Variants in ANKDD1A observed in about 807,000 individuals in gnomAD.
ANKDD1A encodes the protein ankyrin repeat and death domain containing 1A, also known as ankyrin repeat and death domain-containing protein 1A.
In ANKDD1A, 59 loss-of-function variants were observed where a neutral mutation model predicts 63.5. The observed-to-expected ratio is 0.93, with a 90% CI of 0.75 to 1.15. The LOEUF (loss-of-function observed/expected upper bound fraction) is 1.15. Among genes scored for constraint, ANKDD1A ranks in the 50% most tolerant of loss-of-function variants. The pLI is 0.00. For missense variants in ANKDD1A, 632 were observed against 656.4 expected (o/e 0.96, Z 0.41); for synonymous variants, 266 against 263.9 (o/e 1.01, Z -0.08).
chr15:64,954,294 C>CTT lies in ANKDD1A; in HGVS notation c.1484-2809_1484-2808insTT, dbSNP rs2085379447. The stretch of plus-strand genomic sequence containing the variant: ...TCCTTTCTTCTTCCTTCTTAGTTCT[C>CTT]CTTTTCTTCTCCTTCTCTTCCTTCT... On this transcript the variant is annotated intron_variant, in intron 14 of 14. Transcript: ENST00000319580. Among the ~76,000 whole-genome samples, 55 of 43,208 alleles carry CTT rather than the reference C, an allele frequency of 1.3e-3. 1 individual carries two copies. Among genetic ancestry groups the CTT allele is most frequent in the Admixed American group, 5.2e-3 (13 of 2,510 alleles). 28.3% of individuals were successfully genotyped at this position (43,208 alleles called of 152,430 possible).
At chr15:64,951,801 CTCTTTTCTTCTT>C (rs796826252) in intron 14 of ANKDD1A, among the ~76,000 whole-genome samples, 3 of 103,308 alleles carry the variant, frequency 2.9e-5, no homozygotes, top group African/African-American at 1.1e-4. Context: ...TCTTTCTTTC[CTCTTTTCTTCTT>C]TCTTCCTCTT....
intron 8 of ANKDD1A, chr15:64,932,579 C>G (rs1393489399): frequency 6.6e-6 from 1 of 152,126 alleles, no homozygotes; most frequent in Non-Finnish European, 1.5e-5. Context: ...ATTTTTGAAT[C>G]AGTGACAAAT....
rs1449583584 is a variant in ANKDD1A, at chr15:64,953,301, CTTT to C, written c.1483+3331_1483+3333del. Among the ~76,000 whole-genome samples the C allele has an allele frequency of 6.5e-3, 958 of 146,758 alleles. 8 individuals are homozygous for C. Among genetic ancestry groups the C allele is most frequent in the African/African-American group, 0.022 (872 of 39,682 alleles). ...CTTTCCTTCTTCCTTCTTTCTTCTT[CTTT>C]TACTTTTTTCTTTCTTCTTTCCTTC... On this transcript the variant is annotated intron_variant, in intron 14 of 14. Coordinates refer to ENST00000319580, the MANE Select transcript of ANKDD1A (RefSeq NM_182703.6).
At chr15:64,931,905 A>AT (rs1300180851) in intron 8 of ANKDD1A, 2 of 493,426 alleles carry the variant, frequency 4.1e-6, no homozygotes, top group Non-Finnish European at 7.2e-6. Flanking sequence ...TTTTGTTTTA[A>AT]TTTTTTTGAG....
At chr15:64,940,449 T>C (rs2085173165) in intron 9 of ANKDD1A, among the ~76,000 whole-genome samples, 1 of 151,954 alleles carries the variant, frequency 6.6e-6, no homozygotes, top group African/African-American at 2.4e-5. Flanking sequence ...GATATTTTTT[T>C]TGAGACAGAG....
chr15:64,917,629 T>G, intron 3 of ANKDD1A, 115 bp downstream of exon 3: 1 of 1,441,148 alleles, frequency 6.9e-7, no homozygotes, highest in East Asian at 2.6e-5. Context: ...AGGTGCAGAG[T>G]GGTGGGGAGT....
In ANKDD1A at chr15:64,942,467, CA is replaced by C. The variant is rs1213128266; in HGVS notation, c.869del (p.Gln290ArgfsTer10). On this transcript the variant is annotated frameshift_variant and splice_region_variant, in exon 10 of 15. Transcript: ENST00000319580. LOFTEE classifies it high-confidence loss of function. ...AGGCANVVDH[Q>X]GASPLHLAVR... ...TTGATCCGTGTATCTCCTCCCACAG[CA>C]GGGTGCCTCTCCTCTGCACCTCGCT... 3 of 1,610,064 alleles carry C rather than the reference CA, an allele frequency of 1.9e-6. No individual in the cohort carries two copies. Among genetic ancestry groups the C allele is most frequent in the Non-Finnish European group, 2.5e-6 (3 of 1,177,882 alleles).
Position 64,950,742 on chromosome 15 carries a change from C to CTATAGGCGT in ANKDD1A, c.1483+770_1483+771insTATAGGCGT. 3.3e-5 allele frequency: 30 copies of CTATAGGCGT among 907,518 alleles called. No individual in the cohort carries two copies. The East Asian group carries it at 8.8e-4, about 27-fold the overall frequency. The allele number at this position is 907,518 out of a possible 1,614,324, so 56.2% of individuals were successfully genotyped here. A position where few individuals can be genotyped will look rare whatever the true frequency, so the allele number is the denominator to read the frequency against. On this transcript the variant is annotated intron_variant, in intron 14 of 14. Coordinates refer to ENST00000319580, the MANE Select transcript of ANKDD1A (RefSeq NM_182703.6). ...AAAGAAAGGACCGCCCCCCCCCCCCCCCCCCCCCATAGCTGCTATAGGCAA... is the reference window on the plus strand; with the variant it reads ...AAAGAAAGGACCGCCCCCCCCCCCCCTATAGGCGTCCCCCCCCATAGCTGCTATAGGCAA...
chr15:64,923,046 T>G (rs2140367631), intron 4 of ANKDD1A, among the ~76,000 whole-genome samples: 1 of 152,330 alleles, frequency 6.6e-6, no homozygotes, highest in East Asian at 1.9e-4. Context: ...GTTTGTAATA[T>G]TTTCATAACT....
intron 11 of ANKDD1A, among the ~76,000 whole-genome samples, chr15:64,943,998 A>C (rs1348899703): frequency 2.0e-5 from 3 of 152,212 alleles, no homozygotes; most frequent in Admixed American, 6.5e-5. Flanking sequence ...TGGTCTCAGA[A>C]GAGCCAAAGA....
At chr15:64,951,229 A>G (rs2085267022) in intron 14 of ANKDD1A, 1 of 989,822 alleles carries the variant, frequency 1.0e-6, no homozygotes. Flanking sequence ...AATCCCGTCC[A>G]ACAGGTATGG....
In ANKDD1A at chr15:64,958,191, C is replaced by T. The variant is rs61349029; in HGVS notation, c.*1003C>T. The T allele has an allele frequency of 0.9, 136,660 of 152,294 alleles. 62,048 individuals are homozygous for T. The highest frequency in any genetic ancestry group is 0.99 in the East Asian group (5,147 of 5,194). The allele number at this position is 152,294 out of a possible 1,614,324, so 9.4% of individuals were successfully genotyped here. A position where few individuals can be genotyped will look rare whatever the true frequency, so the allele number is the denominator to read the frequency against. ...GGAAGGGAGGGATGAGGAGGTGGAG[C>T]GCAGGGGATGTTAGGGCAGTGAAAG... On this transcript the variant is annotated 3_prime_UTR_variant, in exon 15 of 15. Transcript: ENST00000319580.
At chr15:64,952,865 TTTC>T (rs1194397538) in intron 14 of ANKDD1A, among the ~76,000 whole-genome samples, 1 of 118,056 alleles carries the variant, frequency 8.5e-6, no homozygotes, top group African/African-American at 3.2e-5. Context: ...TCCTTCTTCT[TTTC>T]TTCTCTTTCT....
chr15:64,953,417 TC>T lies in ANKDD1A; in HGVS notation c.1483+3448del, dbSNP rs1407890151. Among the ~76,000 whole-genome samples the T allele has an allele frequency of 1.1e-4, 7 of 61,486 alleles. No individual in the cohort carries two copies. The East Asian group carries it at 3.0e-3, about 27-fold the overall frequency. 40.3% of individuals were successfully genotyped at this position (61,486 alleles called of 152,430 possible). A position where few individuals can be genotyped will look rare whatever the true frequency, so the allele number is the denominator to read the frequency against. On this transcript the variant is annotated intron_variant, in intron 14 of 14. Transcript: ENST00000319580. ...AGTTCTCCTTTTCTTCTCCTCCTCC[TC>T]CCTTCTTCTTCCTCCTCCTTCCTTT...
chr15:64,958,436 G>A lies in ANKDD1A; in HGVS notation c.*1248G>A, dbSNP rs906897128. 1.9e-4 allele frequency: 29 copies of A among 152,172 alleles called. No individual in the cohort carries two copies. Among genetic ancestry groups the A allele is most frequent in the African/African-American group, 5.8e-4 (24 of 41,442 alleles). The allele number at this position is 152,172 out of a possible 1,614,324, so 9.4% of individuals were successfully genotyped here. ...GCTGAAGAGTACGTGGGAGCTCTCT[G>A]TGCTATCTGCTCAATTTTTCTCTAA... is the stretch of plus-strand genomic sequence containing the variant. On this transcript the variant is annotated 3_prime_UTR_variant, in exon 15 of 15. Coordinates refer to ENST00000319580, the MANE Select transcript of ANKDD1A (RefSeq NM_182703.6).
rs1454780954 is a variant in ANKDD1A, at chr15:64,915,882, C to T, written c.120C>T (p.Asn40=). The T allele has an allele frequency of 1.9e-6, 3 of 1,613,842 alleles. No homozygotes were observed. Among genetic ancestry groups the T allele is most frequent in the Non-Finnish European group, 2.5e-6 (3 of 1,179,842 alleles). The part of the protein sequence containing the change: ...RMQELIGRRV[N]TRARNHVGRV... ...AGGAGCTGATTGGGAGGAGGGTTAACACCAGGGCCAGAAACCACGTGCGTA... is the reference window on the plus strand; with the variant it reads ...AGGAGCTGATTGGGAGGAGGGTTAATACCAGGGCCAGAAACCACGTGCGTA... The change falls in exon 2 of 15, where the codon AAC becomes AAT. Residue 40 remains asparagine, a synonymous_variant. Transcript: ENST00000319580.
At chr15:64,930,196 C>CACGTTT (rs1202193977) in intron 6 of ANKDD1A, among the ~76,000 whole-genome samples, 1 of 151,416 alleles carries the variant, frequency 6.6e-6, no homozygotes, top group Non-Finnish European at 1.5e-5. Context: ...CACCAATGCA[C>CACGTTT]ACGTTTACCG....
chr15:64,949,953 TG>T lies in ANKDD1A; in HGVS notation c.1466del (p.Gly489AlafsTer26). The T allele has an allele frequency of 1.2e-6, 2 of 1,610,262 alleles. No homozygotes were observed. Among genetic ancestry groups the T allele is most frequent in the Non-Finnish European group, 1.7e-6 (2 of 1,179,966 alleles). ...KALFEGLVAI[G>X]RRDLAGWSTM... ...CGCTGTTCGAGGGCCTCGTGGCCATTGGCAGGAGGGACCTGGCTGGTAAGAG... is the reference window on the plus strand; with the variant it reads ...CGCTGTTCGAGGGCCTCGTGGCCATTGCAGGAGGGACCTGGCTGGTAAGAG... On this transcript the variant is annotated frameshift_variant, in exon 14 of 15. Transcript: ENST00000319580. LOFTEE classifies it high-confidence loss of function.
chr15:64,929,815 C>A (rs1172954104), intron 6 of ANKDD1A, among the ~76,000 whole-genome samples: 2 of 152,108 alleles, frequency 1.3e-5, no homozygotes, highest in Non-Finnish European at 2.9e-5. Flanking sequence ...TATGTTCCAG[C>A]AAGAAGGGTC....
Sources: gnomAD v4.1 joint callset for allele counts (sites outside exome capture counted in the v4.1 genomes callset) on GRCh38, gnomAD v4.1.1 for gene constraint, MANE v1.5 for transcripts, NCBI Gene and HGNC (gene_info 2026-07-23, HGNC 2026-07-21) for gene names.